NHLRC2: variants seen among roughly 807,000 people sequenced by gnomAD.
NHLRC2 encodes NHL repeat containing 2.
Under a neutral mutation model 68.1 loss-of-function variants are expected in NHLRC2, and 33 were observed. That is an observed-to-expected ratio of 0.48 (90% confidence interval 0.37 to 0.65). The LOEUF is 0.65. NHLRC2 is among the 30% of genes least tolerant of loss of function. The pLI, the probability that NHLRC2 is intolerant of heterozygous loss-of-function variation, is 0.00. For synonymous variants in NHLRC2, 311 were observed against 309.6 expected (o/e 1.00, Z -0.05); for missense variants, 761 against 853.8 (o/e 0.89, Z 1.35).
chr10:113,894,583 C>T (rs1846161860), intron 5 of NHLRC2, among the ~76,000 whole-genome samples: 1 of 151,844 alleles, frequency 6.6e-6, no homozygotes, highest in Non-Finnish European at 1.5e-5. Flanking sequence ...TTCTTTGTTG[C>T]ACAAACTAGG....
At chr10:113,857,351 A>T (rs948474343) in intron 1 of NHLRC2, among the ~76,000 whole-genome samples, 1 of 152,156 alleles carries the variant, frequency 6.6e-6, no homozygotes, top group African/African-American at 2.4e-5. Context: ...TTGATCTGGT[A>T]TATAATTAAT....
chr10:113,858,908 C>A (rs1845789319), intron 2 of NHLRC2: 2 of 359,278 alleles, frequency 5.6e-6, no homozygotes, highest in Non-Finnish European at 9.9e-6. Flanking sequence ...TGGTTTTTCT[C>A]TGCGGATAGG....
At chr10:113,880,912 G>C (rs1846031236) in intron 4 of NHLRC2, among the ~76,000 whole-genome samples, 1 of 151,822 alleles carries the variant, frequency 6.6e-6, no homozygotes, top group Non-Finnish European at 1.5e-5. Flanking sequence ...TTAAAGTCTT[G>C]CAGACTTTCT....
chr10:113,897,299 A>G (rs1465958089), intron 5 of NHLRC2, among the ~76,000 whole-genome samples: 4 of 152,186 alleles, frequency 2.6e-5, no homozygotes, highest in African/African-American at 9.7e-5. Flanking sequence ...ACCAAATATG[A>G]TCTGTTGGTA....
At position 113,902,613 on chromosome 10, in the gene NHLRC2, TATA is replaced by T. The variant is rs2134737732; in HGVS notation, c.1494+24_1494+26del. ...CACAAGGTGAGTCGTGACAGAATTA[TATA>T]ATATCTTGCTTTTTGTGTGTGGCAT... On this transcript the variant is annotated intron_variant, in intron 8 of 10. Transcript: ENST00000369301. 6.3e-7 allele frequency: 1 copy of T among 1,592,766 alleles called. No individual in the cohort carries two copies. The highest frequency in any genetic ancestry group is 2.2e-5 in the East Asian group (1 of 44,668).
At chr10:113,872,009 A>G (rs1845930259) in intron 2 of NHLRC2, among the ~76,000 whole-genome samples, 1 of 152,186 alleles carries the variant, frequency 6.6e-6, no homozygotes, top group Admixed American at 6.5e-5. Flanking sequence ...TATTTAGACA[A>G]CGCACAAACA....
intron 10 of NHLRC2, among the ~76,000 whole-genome samples, chr10:113,906,594 G>C (rs1234118494): frequency 6.6e-6 from 1 of 150,912 alleles, no homozygotes; most frequent in Non-Finnish European, 1.5e-5. Flanking sequence ...CACAAATTGT[G>C]TGTGTGATAT....
At chr10:113,876,326 A>G (rs188634953) in intron 2 of NHLRC2, among the ~76,000 whole-genome samples, 195 bp from the exon 3 acceptor site, 62 of 152,250 alleles carry the variant, frequency 4.1e-4, no homozygotes, top group African/African-American at 1.5e-3. Flanking sequence ...GTAGTAATCA[A>G]GATTGTTATG....
chr10:113,887,741 C>A (rs1269891908), intron 5 of NHLRC2, among the ~76,000 whole-genome samples: 1 of 152,194 alleles, frequency 6.6e-6, no homozygotes, highest in Non-Finnish European at 1.5e-5. Context: ...CACTGCACTG[C>A]AGCCTGGGCA....
intron 2 of NHLRC2, among the ~76,000 whole-genome samples, chr10:113,869,656 T>G (rs117662740): frequency 2.0e-5 from 3 of 152,262 alleles, no homozygotes; most frequent in Non-Finnish European, 4.4e-5. Flanking sequence ...AGTCATCACT[T>G]CTTCAAGGAA....
intron 4 of NHLRC2, among the ~76,000 whole-genome samples, 160 bp downstream of exon 4, chr10:113,879,855 T>C (rs1289449594): frequency 6.6e-6 from 1 of 152,152 alleles, no homozygotes; most frequent in Non-Finnish European, 1.5e-5. Context: ...TCAAGTATCC[T>C]GTTTCTATTT....
At chr10:113,891,797 A>C (rs1333826642) in intron 5 of NHLRC2, among the ~76,000 whole-genome samples, 1 of 152,156 alleles carries the variant, frequency 6.6e-6, no homozygotes, top group Non-Finnish European at 1.5e-5. Context: ...TCTGTTGTTC[A>C]GCCTCAGCCT....
chr10:113,899,822 G>C (rs1051084630), intron 6 of NHLRC2, among the ~76,000 whole-genome samples: 1 of 152,110 alleles, frequency 6.6e-6, no homozygotes. Flanking sequence ...GGAGGCTGTG[G>C]CAGGAGAATC....
chr10:113,871,988 G>A (rs568221632), intron 2 of NHLRC2, among the ~76,000 whole-genome samples: 1 of 152,296 alleles, frequency 6.6e-6, no homozygotes, highest in South Asian at 2.1e-4. Context: ...AACAAGCAGA[G>A]TGGTTCAGAG....
Position 113,876,799 on chromosome 10 carries a change from A to G in NHLRC2, c.610A>G (p.Ile204Val), listed in dbSNP as rs778934256. The part of the protein sequence containing the change: ...ALKYYKDRGQ[I>V]RDNKIGIKLY... ...AAAGTATTACAAAGACAGGGGGCAG[A>G]TCAGAGATAATAAAATTGGAATAAA... Residue 204 changes from isoleucine to valine, a missense_variant, in exon 3 of 11, where the codon ATC (isoleucine) becomes GTC (valine). By Grantham distance (29) the Ile-to-Val change is conservative. Coordinates refer to ENST00000369301, the MANE Select transcript of NHLRC2 (RefSeq NM_198514.4). 6.2e-7 allele frequency: 1 copy of G among 1,612,628 alleles called. No individual in the cohort carries two copies. The highest frequency in any genetic ancestry group is 2.2e-5 in the East Asian group (1 of 44,854).
Position 113,876,765 on chromosome 10 carries a change from A to T in NHLRC2, c.576A>T (p.Ser192=). 1 of 1,610,454 alleles carries T rather than the reference A, an allele frequency of 6.2e-7. No homozygotes were observed. The highest frequency in any genetic ancestry group is 8.5e-7 in the Non-Finnish European group (1 of 1,176,848). The change falls in exon 3 of 11, where the codon TCA becomes TCT. Residue 192 remains serine, a synonymous_variant. Transcript: ENST00000369301. ...AAGATAAATTATTTTTATATACTTC[A>T]ATTGCTTTAAAGTATTACAAAGACA... ...GHKDKLFLYT[S]IALKYYKDRG...
rs1377583845 is a variant in NHLRC2 at position 113,854,678 on chromosome 10, G to A, written c.-195G>A. 7 of 553,880 alleles carry A rather than the reference G, an allele frequency of 1.3e-5. No homozygotes were observed. In the East Asian group the frequency reaches 2.1e-4, roughly 17 times the overall value. The allele number at this position is 553,880 out of a possible 1,614,324, so 34.3% of individuals were successfully genotyped here. A position where few individuals can be genotyped will look rare whatever the true frequency, so the allele number is the denominator to read the frequency against. ...CGGACGGCAGTTTAATTACGTCCCC[G>A]GGAACTGCGCCGATTTGGACTTTTG... On this transcript the variant is annotated 5_prime_UTR_variant, in exon 1 of 11. Transcript: ENST00000369301.
At chr10:113,881,155 G>A (rs893111382) in intron 4 of NHLRC2, among the ~76,000 whole-genome samples, 1 of 151,676 alleles carries the variant, frequency 6.6e-6, no homozygotes, top group East Asian at 1.9e-4. Context: ...TTCGTCAGAG[G>A]GGCTAGACCT....
At chr10:113,880,451 T>C (rs1846027042) in intron 4 of NHLRC2, among the ~76,000 whole-genome samples, 1 of 151,968 alleles carries the variant, frequency 6.6e-6, no homozygotes, top group African/African-American at 2.4e-5. Flanking sequence ...TTCCTCCTGA[T>C]GGTTGTTTTG....
Sources: allele counts gnomAD v4.1 joint callset (sites outside exome capture counted in the v4.1 genomes callset), GRCh38; gene constraint gnomAD v4.1.1; transcripts MANE v1.5; gene names NCBI Gene and HGNC (gene_info 2026-07-23, HGNC 2026-07-21).